The following PHF24 variants were observed in gnomAD, a reference collection of about 807,000 sequenced individuals.
PHF24 encodes Galpha inhibitory interacting protein.
A neutral mutation model predicts 42.6 loss-of-function variants in PHF24; 25 were observed. The ratio of observed to expected loss-of-function variants is 0.59; its 90% CI spans 0.43 to 0.82. The LOEUF (loss-of-function observed/expected upper bound fraction) is 0.82. PHF24 is among the 40% of genes least tolerant of loss of function. The pLI is 0.00. For missense variants in PHF24, 470 were observed against 538.1 expected, an observed-to-expected ratio of 0.87 and a Z score of 1.25; for synonymous variants, 185 against 204.8, an observed-to-expected ratio of 0.90 and a Z score of 0.83.
the PHF24 span, chr9:34,724,112 A>T: frequency 6.5e-7 from 1 of 1,528,560 alleles, no homozygotes; most frequent in East Asian, 2.5e-5. Flanking sequence ...TCCTGCTAGC[A>T]TGGGGACATG....
the PHF24 span, among the ~76,000 whole-genome samples, chr9:34,935,804 G>A: frequency 3.3e-5 from 5 of 151,652 alleles, no homozygotes; most frequent in Admixed American, 2.0e-4. Context: ...ATGAGAATGC[G>A]AAAATTATCC....
chr9:34,813,951 G>T, the PHF24 span, among the ~76,000 whole-genome samples: 2 of 152,152 alleles, frequency 1.3e-5, no homozygotes, highest in Non-Finnish European at 2.9e-5. Flanking sequence ...AGCCAGATAG[G>T]TCTATTCTAT....
chr9:34,772,757 A>AG, the PHF24 span, among the ~76,000 whole-genome samples: 2 of 152,194 alleles, frequency 1.3e-5, no homozygotes, highest in African/African-American at 4.8e-5. Context: ...TGAGCAGGGG[A>AG]GGAGGCTAGC....
At chr9:34,845,312 C>A in the PHF24 span, among the ~76,000 whole-genome samples, 2 of 152,106 alleles carry the variant, frequency 1.3e-5, 1 homozygote, top group South Asian at 4.1e-4. Flanking sequence ...GAATTTAATC[C>A]ATTTACATTC....
At chr9:34,860,324 G>A in the PHF24 span, among the ~76,000 whole-genome samples, 1 of 152,192 alleles carries the variant, frequency 6.6e-6, no homozygotes, top group African/African-American at 2.4e-5. Context: ...GACTGCAAGT[G>A]GGAGTCGTAG....
At chr9:34,764,275 A>G in the PHF24 span, among the ~76,000 whole-genome samples, 1 of 152,098 alleles carries the variant, frequency 6.6e-6, no homozygotes, top group South Asian at 2.1e-4. Context: ...AAGGAATGGT[A>G]CCAGTTCCTC....
the PHF24 span, among the ~76,000 whole-genome samples, chr9:34,674,811 G>A: frequency 3.9e-5 from 6 of 152,190 alleles, no homozygotes; most frequent in African/African-American, 7.2e-5. Flanking sequence ...GTAGAGACAC[G>A]TAGGTGGGTA....
chr9:34,969,709 A>G (rs1826906487), intron 1 of PHF24, among the ~76,000 whole-genome samples: 1 of 152,092 alleles, frequency 6.6e-6, no homozygotes, highest in African/African-American at 2.4e-5. Flanking sequence ...TCAATTATCA[A>G]TTTATTCCTA....
At chr9:34,832,311 G>C in the PHF24 span, 3 of 621,452 alleles carry the variant, frequency 4.8e-6, no homozygotes, top group Non-Finnish European at 8.6e-6. Flanking sequence ...TGGGTGCCCT[G>C]GTTGGGGGGC....
chr9:34,694,466 G>A, the PHF24 span, among the ~76,000 whole-genome samples: 32 of 152,064 alleles, frequency 2.1e-4, no homozygotes, highest in Non-Finnish European at 3.4e-4. Context: ...GAGTAGCTGG[G>A]ATTACAGGGA....
the PHF24 span, among the ~76,000 whole-genome samples, chr9:34,881,364 C>T: frequency 1.2e-4 from 18 of 152,108 alleles, no homozygotes; most frequent in African/African-American, 4.1e-4. Context: ...AAGATCAGAG[C>T]AGAACTGAAG....
chr9:34,819,791 C>A, the PHF24 span, among the ~76,000 whole-genome samples: 1 of 152,112 alleles, frequency 6.6e-6, no homozygotes, highest in Non-Finnish European at 1.5e-5. Flanking sequence ...TGGATGAAAT[C>A]ATCTACAAAT....
chr9:34,805,236 T>A, the PHF24 span, among the ~76,000 whole-genome samples: 1 of 152,342 alleles, frequency 6.6e-6, no homozygotes, highest in Non-Finnish European at 1.5e-5. Context: ...GGAGTGAAAT[T>A]GCTGGGTCAT....
the PHF24 span, chr9:34,833,283 T>A: frequency 1.3e-6 from 2 of 1,551,108 alleles, no homozygotes; most frequent in African/African-American, 2.7e-5. Context: ...ACACAAGGCA[T>A]GTGGGCCTCT....
At chr9:34,791,198 G>C in the PHF24 span, among the ~76,000 whole-genome samples, 2 of 152,214 alleles carry the variant, frequency 1.3e-5, no homozygotes, top group Admixed American at 1.3e-4. Context: ...AGCAATTGCA[G>C]AAGGCTTGGA....
chr9:34,793,899 A>T, the PHF24 span, among the ~76,000 whole-genome samples: 1 of 150,026 alleles, frequency 6.7e-6, no homozygotes, highest in Non-Finnish European at 1.5e-5. Context: ...AACCCCTGTT[A>T]TTTTTTTTCT....
the PHF24 span, among the ~76,000 whole-genome samples, chr9:34,866,603 G>A: frequency 6.6e-6 from 1 of 152,146 alleles, no homozygotes; most frequent in Non-Finnish European, 1.5e-5. Context: ...GCACATCTAG[G>A]TGGCATCAAC....
the PHF24 span, chr9:34,724,092 CCT>C: frequency 1.3e-6 from 2 of 1,528,010 alleles, no homozygotes; most frequent in Non-Finnish European, 8.8e-7. Context: ...TCCTCTGGGT[CCT>C]CTCTGTTTCC....
chr9:34,832,594 A>G, the PHF24 span: 1 of 1,544,374 alleles, frequency 6.5e-7, no homozygotes, highest in Non-Finnish European at 8.7e-7. Context: ...ACAGTGGCAG[A>G]GAACATGGAA....
Sources: gnomAD v4.1 joint callset for allele counts (sites outside exome capture counted in the v4.1 genomes callset) on GRCh38, gnomAD v4.1.1 for gene constraint, MANE v1.5 for transcripts, NCBI Gene and HGNC (gene_info 2026-07-23, HGNC 2026-07-21) for gene names.